The following RBM17 variants were observed in gnomAD, a reference collection of about 807,000 sequenced individuals.
RBM17 encodes splicing factor 45.
Under a neutral mutation model 53.2 loss-of-function variants are expected in RBM17, and 7 were observed. That is an observed-to-expected ratio of 0.13 (90% CI 0.07 to 0.25). RBM17 has a LOEUF of 0.25. Ranked by LOEUF, RBM17 falls within the 10% of genes least tolerant of loss-of-function variation. The pLI, the probability that RBM17 is intolerant of heterozygous loss-of-function variation, is 1.00. For synonymous variants in RBM17, 167 were observed against 178.1 expected, an observed-to-expected ratio of 0.94 and a Z score of 0.50; for missense variants, 257 against 496.7, an observed-to-expected ratio of 0.52 and a Z score of 4.59.
At chr10:6,091,860 T>C (rs532243251) in intron 1 of RBM17, among the ~76,000 whole-genome samples, 2 of 129,302 alleles carry the variant, frequency 1.5e-5, no homozygotes, top group African/African-American at 5.7e-5. Flanking sequence ...TTGGGGGGGG[T>C]TAGTTTTATG....
intron 5 of RBM17, 52 bp from the exon 6 acceptor site, chr10:6,108,634 G>T: frequency 6.9e-7 from 1 of 1,439,218 alleles, no homozygotes; most frequent in Non-Finnish European, 9.8e-7. Flanking sequence ...ATAGTCGTTT[G>T]GGAGTCTGGC....
chr10:6,097,981 G>A (rs1298636504), intron 2 of RBM17, among the ~76,000 whole-genome samples: 3 of 152,206 alleles, frequency 2.0e-5, no homozygotes, highest in Non-Finnish European at 4.4e-5. Context: ...AAGGCGTCAG[G>A]CATAGGTAGT....
intron 2 of RBM17, among the ~76,000 whole-genome samples, chr10:6,098,320 G>A (rs1181384251): frequency 6.6e-6 from 1 of 152,102 alleles, no homozygotes; most frequent in African/African-American, 2.4e-5. Context: ...CCTTGCTGGG[G>A]AGGCAGTAAT....
intron 3 of RBM17, among the ~76,000 whole-genome samples, chr10:6,101,727 CTG>C (rs75264856): frequency 0.05 from 7,661 of 152,248 alleles, 305 homozygotes; most frequent in South Asian, 0.13. Flanking sequence ...CGTTGTGACT[CTG>C]TCAAAAAATA....
chr10:6,114,988 C>T, intron 10 of RBM17: 1 of 444,068 alleles, frequency 2.3e-6, no homozygotes, highest in East Asian at 3.6e-5. Context: ...CATCAGCTGG[C>T]ACAGGGCCTT....
At position 6,115,823 on chromosome 10, in the gene RBM17, G is replaced by A. The variant is rs1213851427; in HGVS notation, c.*267G>A. Reference sequence around the variant, plus strand: ...CCTGAGTTGATGACATTTTTTGTTAGATTTCATGGTAATTCTCAAGTGCTT... The same window carrying A: ...CCTGAGTTGATGACATTTTTTGTTAAATTTCATGGTAATTCTCAAGTGCTT... On this transcript the variant is annotated 3_prime_UTR_variant, in exon 12 of 12. Transcript: ENST00000379888. 9.1e-6 allele frequency: 2 copies of A among 220,828 alleles called. No homozygotes were observed. The highest frequency in any genetic ancestry group is 4.9e-5 in the African/African-American group (2 of 40,436). 13.7% of individuals were successfully genotyped at this position (220,828 alleles called of 1,614,324 possible). A position where few individuals can be genotyped will look rare whatever the true frequency, so the allele number is the denominator to read the frequency against.
intron 1 of RBM17, among the ~76,000 whole-genome samples, chr10:6,093,423 A>G (rs4436455): frequency 6.6e-6 from 1 of 151,902 alleles, no homozygotes; most frequent in African/African-American, 2.4e-5. Flanking sequence ...TTCACCACGT[A>G]GGCCAGGCTG....
In RBM17 at chr10:6,115,288, A is replaced by T. The variant is rs1840897373; in HGVS notation, c.1079A>T (p.Glu360Val). 6.2e-7 allele frequency: 1 copy of T among 1,613,496 alleles called. No homozygotes were observed. Among genetic ancestry groups the T allele is most frequent in the Admixed American group, 1.7e-5 (1 of 59,974 alleles). Residue 360 changes from glutamate to valine, a missense_variant, in exon 11 of 12, where the codon GAG becomes GTG. Glu to Val is a moderately radical substitution (Grantham distance 121). Around this residue, in one of 6 missense-constraint regions of RBM17, gnomAD observed 49 missense variants for 114.8 expected, o/e 0.43. Coordinates refer to ENST00000379888, the MANE Select transcript of RBM17 (RefSeq NM_032905.5). ...GCAGTACGGATATTTTTAGAATTTG[A>T]GAGAGTTGAATCAGCAATTAAAGGT... ...DEAVRIFLEF[E>V]RVESAIKAVV...
intron 1 of RBM17, among the ~76,000 whole-genome samples, chr10:6,090,647 TC>T (rs1840467907): frequency 6.6e-6 from 1 of 152,176 alleles, no homozygotes; most frequent in Admixed American, 6.5e-5. Flanking sequence ...TCAGACCTCC[TC>T]CCAGCAGGGA....
At chr10:6,103,497 C>G (rs1840699743) in intron 3 of RBM17, among the ~76,000 whole-genome samples, 1 of 152,116 alleles carries the variant, frequency 6.6e-6, no homozygotes, top group South Asian at 2.1e-4. Context: ...AATTGAGTGG[C>G]TGGTTGTCAT....
In RBM17 at chr10:6,105,108, C is replaced by T. The variant is rs754530184; in HGVS notation, c.407+11C>T. The stretch of plus-strand genomic sequence containing the variant: ...AGAAGAAAGGGAAAAGTAAGGCTTC[C>T]TTTGGATTTGGGGATATTTTACAGT... On this transcript the variant is annotated intron_variant, in intron 4 of 11. Transcript: ENST00000379888. The T allele has an allele frequency of 6.7e-5, 108 of 1,609,724 alleles. No individual in the cohort carries two copies. In the Middle Eastern group the frequency reaches 8.1e-3, roughly 121 times the overall value.
chr10:6,094,814 C>G lies in RBM17; in HGVS notation c.-18-2234C>G, dbSNP rs7096407. 8.0e-3 allele frequency among the ~76,000 whole-genome samples: 1,220 copies of G among 152,252 alleles called. 7 individuals are homozygous for G. Among genetic ancestry groups the G allele is most frequent in the Non-Finnish European group, 0.013 (906 of 68,012 alleles). ...TTTGGTGCAGTGTTGTTCCTTCTGG[C>G]CAGTGATTATTGGCCAGAAATTTCT... On this transcript the variant is annotated intron_variant, in intron 1 of 11. Coordinates refer to ENST00000379888, the MANE Select transcript of RBM17 (RefSeq NM_032905.5).
rs779442827 is a variant in RBM17 at position 6,112,459 on chromosome 10, A to G, written c.856+98A>G. 14 of 1,446,220 alleles carry G rather than the reference A, an allele frequency of 9.7e-6. No homozygotes were observed. The highest frequency in any genetic ancestry group is 6.0e-5 in the South Asian group (5 of 83,242). 89.6% of individuals were successfully genotyped at this position (1,446,220 alleles called of 1,614,324 possible). A position where few individuals can be genotyped will look rare whatever the true frequency, so the allele number is the denominator to read the frequency against. On this transcript the variant is annotated intron_variant, in intron 8 of 11. Transcript: ENST00000379888. The surrounding 1 kb of genome is among the most constrained non-coding windows in gnomAD (Gnocchi z 4.4). Reference sequence around the variant, plus strand: ...ATCCTCATGTGTCAGCAGGGGGACAATGAGGCGTGTGGCCAGAGGGAGAGG... The same window carrying G: ...ATCCTCATGTGTCAGCAGGGGGACAGTGAGGCGTGTGGCCAGAGGGAGAGG...
In RBM17 at chr10:6,112,186, T is replaced by G. The variant is rs1840848901; in HGVS notation, c.705-24T>G. 6.2e-7 allele frequency: 1 copy of G among 1,605,302 alleles called. No individual in the cohort carries two copies. The highest frequency in any genetic ancestry group is 1.3e-5 in the African/African-American group (1 of 74,554). ...CAGTTGACGATGTCAAGGCTAAGAG[T>G]CCTTTCCCTTCTTCTCCTGCCAGGG... On this transcript the variant is annotated intron_variant, in intron 7 of 11. Transcript: ENST00000379888. The surrounding 1 kb of genome is among the most constrained non-coding windows in gnomAD (Gnocchi z 4.4).
At position 6,116,363 on chromosome 10, in the gene RBM17, C is replaced by T. The variant is rs1260514905; in HGVS notation, c.*807C>T. 1 of 152,308 alleles carries T rather than the reference C, an allele frequency of 6.6e-6. No individual in the cohort carries two copies. Among genetic ancestry groups the T allele is most frequent in the Non-Finnish European group, 1.5e-5 (1 of 68,044 alleles). 9.4% of individuals were successfully genotyped at this position (152,308 alleles called of 1,614,324 possible). Reference sequence around the variant, plus strand: ...GCAGTTCCTTGGGGTCATGTTTCTACTGGCAAAATTTGCAATAGTGTTCTA... The same window carrying T: ...GCAGTTCCTTGGGGTCATGTTTCTATTGGCAAAATTTGCAATAGTGTTCTA... On this transcript the variant is annotated 3_prime_UTR_variant, in exon 12 of 12. Transcript: ENST00000379888.
chr10:6,094,575 TTAAAC>T (rs753428496), intron 1 of RBM17, among the ~76,000 whole-genome samples: 46 of 152,270 alleles, frequency 3.0e-4, no homozygotes, highest in Admixed American at 1.3e-3. Flanking sequence ...GCTCAAAAGA[TTAAAC>T]TAAGTTAGAT....
chr10:6,098,556 GTTTTTTGTTTTTTTTTTTTT>G (rs1370230474), intron 2 of RBM17, among the ~76,000 whole-genome samples: 3 of 87,976 alleles, frequency 3.4e-5, no homozygotes, highest in African/African-American at 8.1e-5. Flanking sequence ...TAATACACAG[GTTTTTTGTTTTTTTTTTTTT>G]TTTTTTTTTT....
intron 6 of RBM17, among the ~76,000 whole-genome samples, chr10:6,109,775 A>G (rs1014731347): frequency 6.6e-6 from 1 of 152,244 alleles, no homozygotes; most frequent in Non-Finnish European, 1.5e-5. Flanking sequence ...AGAAATAGCA[A>G]AAGGAAAGTT....
intron 1 of RBM17, among the ~76,000 whole-genome samples, chr10:6,095,151 G>GT (rs1259677207): frequency 1.3e-5 from 2 of 152,120 alleles, no homozygotes; most frequent in Non-Finnish European, 2.9e-5. Flanking sequence ...AAAAAGGTCA[G>GT]TTTTGCACTG....
Sources: gnomAD v4.1 joint callset for allele counts (sites outside exome capture counted in the v4.1 genomes callset) on GRCh38, gnomAD v4.1.1 for gene constraint, gnomAD v4.1.1 regional missense constraint, Gnocchi (gnomAD v3.1) non-coding constraint, MANE v1.5 for transcripts, NCBI Gene and HGNC (gene_info 2026-07-23, HGNC 2026-07-21) for gene names.